IP6K1: variants seen among roughly 807,000 people sequenced by gnomAD.
IP6K1 encodes inositol hexakisphosphate kinase 1, also known as ATP:1D-myo-inositol-hexakisphosphate phosphotransferase.
A neutral mutation model predicts 38.3 loss-of-function variants in IP6K1; 13 were observed. The observed-to-expected ratio is 0.34, with a 90% CI of 0.22 to 0.54. The LOEUF (loss-of-function observed/expected upper bound fraction) is 0.54. Among genes scored for constraint, IP6K1 ranks in the 20% least tolerant of loss-of-function variants. The probability of loss-of-function intolerance (pLI) is 0.92; values close to 1 mark genes in which losing one functional copy is unlikely to be tolerated. For missense variants in IP6K1, 397 were observed against 599.8 expected, an observed-to-expected ratio of 0.66 and a Z score of 3.53; for synonymous variants, 212 against 229.9, an observed-to-expected ratio of 0.92 and a Z score of 0.70.
At chr3:49,770,069 G>A (rs1036713031) in intron 1 of IP6K1, among the ~76,000 whole-genome samples, 1 of 152,044 alleles carries the variant, frequency 6.6e-6, no homozygotes, top group African/African-American at 2.4e-5. Context: ...CTGCATGGTG[G>A]TGCATGCCTG....
intron 1 of IP6K1, among the ~76,000 whole-genome samples, chr3:49,768,024 A>G (rs2080926918): frequency 6.6e-6 from 1 of 150,582 alleles, no homozygotes; most frequent in South Asian, 2.1e-4. Context: ...ACTACTTCAC[A>G]TCCAAGTTAT....
chr3:49,742,724 C>G (rs1185348410), intron 2 of IP6K1, among the ~76,000 whole-genome samples: 1 of 151,628 alleles, frequency 6.6e-6, no homozygotes, highest in African/African-American at 2.4e-5. Flanking sequence ...CATGGTGAGA[C>G]CCTGTCTCTA....
At chr3:49,771,640 T>C (rs1325112009) in intron 1 of IP6K1, among the ~76,000 whole-genome samples, 1 of 152,206 alleles carries the variant, frequency 6.6e-6, no homozygotes, top group Non-Finnish European at 1.5e-5. Flanking sequence ...GAAAAGGTAT[T>C]ATAGTTTCCT....
chr3:49,761,245 G>A (rs1313890677), intron 1 of IP6K1, among the ~76,000 whole-genome samples: 3 of 151,976 alleles, frequency 2.0e-5, no homozygotes, highest in African/African-American at 7.3e-5. Flanking sequence ...AACCCGGGAG[G>A]TGGAGGGTGC....
At chr3:49,778,478 C>G (rs764573061) in intron 1 of IP6K1, among the ~76,000 whole-genome samples, 106 of 151,646 alleles carry the variant, frequency 7.0e-4, no homozygotes, top group Admixed American at 1.5e-3. Context: ...ACTAAAAATA[C>G]AAAAATTAGC....
At chr3:49,728,003 G>A in intron 5 of IP6K1, 100 bp downstream of exon 5, 2 of 1,221,912 alleles carry the variant, frequency 1.6e-6, no homozygotes, top group Non-Finnish European at 2.3e-6. Context: ...AAGGACAGAG[G>A]GGCTCAGGAG....
At position 49,727,298 on chromosome 3, in the gene IP6K1, C is replaced by T. The variant is rs1164011136; in HGVS notation, c.1150G>A (p.Glu384Lys). ...PSTSPSNTSPEAGPSSQPKVD... is the reference protein window; with the variant it reads ...PSTSPSNTSPKAGPSSQPKVD... ...TTGGGCTGAGAGGAGGGACCCGCCT[C>T]GGGGCTGGTGTTGCTGGGGCTGGTG... is the stretch of plus-strand genomic sequence containing the variant. The change falls in exon 6 of 6, where the codon GAG becomes AAG. Residue 384 changes from glutamate (E) to lysine (K), a missense_variant. By Grantham distance (56) the Glu-to-Lys change is moderately conservative. This residue lies in a region of IP6K1 where 164 missense variants were observed against 213.5 expected (regional missense o/e 0.77). Transcript: ENST00000321599. This position sits in a 1 kb window ranked among gnomAD's most constrained non-coding sequence, Gnocchi z 5.9. The T allele has an allele frequency of 6.2e-6, 10 of 1,614,046 alleles. No homozygotes were observed. The highest frequency in any genetic ancestry group is 4.0e-5 in the African/African-American group (3 of 74,936).
intron 2 of IP6K1, among the ~76,000 whole-genome samples, chr3:49,738,958 G>A (rs752430546): frequency 6.6e-6 from 1 of 152,114 alleles, no homozygotes; most frequent in East Asian, 1.9e-4. Context: ...CTGGCATCTC[G>A]AAGATAAAAC....
intron 1 of IP6K1, among the ~76,000 whole-genome samples, chr3:49,756,589 G>A (rs1225337338): frequency 1.3e-5 from 2 of 152,044 alleles, no homozygotes; most frequent in African/African-American, 4.8e-5. Flanking sequence ...AGGCCAAGGC[G>A]GGTGGATCAC....
intron 1 of IP6K1, among the ~76,000 whole-genome samples, chr3:49,775,836 A>T (rs2108262057): frequency 6.6e-6 from 1 of 152,160 alleles, no homozygotes; most frequent in African/African-American, 2.4e-5. Context: ...TTGGAGAAAA[A>T]TTGATAGATT....
At chr3:49,754,035 GA>G (rs879393244) in intron 1 of IP6K1, among the ~76,000 whole-genome samples, 13 of 151,880 alleles carry the variant, frequency 8.6e-5, no homozygotes, top group Admixed American at 4.6e-4. Flanking sequence ...TAAAAAGGGG[GA>G]AAAAAATCAG....
intron 1 of IP6K1, among the ~76,000 whole-genome samples, chr3:49,772,166 T>C (rs2080965248): frequency 6.7e-6 from 1 of 150,206 alleles, no homozygotes; most frequent in Admixed American, 6.7e-5. Context: ...TGAGCTATAA[T>C]TGCACCACTG....
In IP6K1 at chr3:49,779,005, A is replaced by AT. The variant is rs562586622; in HGVS notation, c.-129+7348dup. Among the ~76,000 whole-genome samples, 801 of 152,328 alleles carry AT rather than the reference A, an allele frequency of 5.3e-3. 3 individuals carry two copies. Among genetic ancestry groups the AT allele is most frequent in the Middle Eastern group, 0.024 (7 of 294 alleles). The stretch of plus-strand genomic sequence containing the variant: ...ACCCATTAAGGTGTACAATTCAATG[A>AT]TTTTAAGTATAAAATTTAAAAAAAG... On this transcript the variant is annotated intron_variant, in intron 1 of 5. Transcript: ENST00000321599.
At position 49,727,464 on chromosome 3, in the gene IP6K1, G is replaced by A. The variant is rs765267764; in HGVS notation, c.984C>T (p.Tyr328=). The change falls in exon 6 of 6, where the codon TAC becomes TAT. Residue 328 remains tyrosine, a synonymous_variant. Coordinates refer to ENST00000321599, the MANE Select transcript of IP6K1 (RefSeq NM_153273.4). This position sits in a 1 kb window ranked among gnomAD's most constrained non-coding sequence, Gnocchi z 5.9. ...CAAGCAGGGAACTGGAGTAGAAGCGGTAAGAGGCCTGCCGCTCCAGCACAG... is the reference window on the plus strand; with the variant it reads ...CAAGCAGGGAACTGGAGTAGAAGCGATAAGAGGCCTGCCGCTCCAGCACAG... ...LKAVLERQAS[Y]RFYSSSLLVI... 1 of 1,614,128 alleles carries A rather than the reference G, an allele frequency of 6.2e-7. No homozygotes were observed. The highest frequency in any genetic ancestry group is 1.7e-5 in the Admixed American group (1 of 60,026).
intron 4 of IP6K1, among the ~76,000 whole-genome samples, chr3:49,729,124 C>G (rs1284672624): frequency 3.3e-5 from 5 of 152,078 alleles, no homozygotes; most frequent in Non-Finnish European, 7.3e-5. Flanking sequence ...CCTCCCAGCC[C>G]CTGGGAACCT....
rs2080805934 is a variant in IP6K1, at chr3:49,754,548, A to G, written c.-128-6380T>C. Among the ~76,000 whole-genome samples, 3 of 152,306 alleles carry G rather than the reference A, an allele frequency of 2.0e-5. No homozygotes were observed. In the South Asian group the frequency reaches 6.2e-4, roughly 32 times the overall value. On this transcript the variant is annotated intron_variant, in intron 1 of 5. Transcript: ENST00000321599. Reference sequence around the variant, plus strand: ...CAATAATAATGATAGTAAGGAGAAGAACCAGACTAAAGAACTTGTTGAACC... The same window carrying G: ...CAATAATAATGATAGTAAGGAGAAGGACCAGACTAAAGAACTTGTTGAACC...
chr3:49,770,353 A>G (rs574774478), intron 1 of IP6K1, among the ~76,000 whole-genome samples: 2 of 152,366 alleles, frequency 1.3e-5, no homozygotes, highest in African/African-American at 4.8e-5. Context: ...ACCAGCCCCA[A>G]TCTCACACAA....
intron 4 of IP6K1, among the ~76,000 whole-genome samples, chr3:49,731,874 T>G: frequency 2.3e-5 from 1 of 43,054 alleles, no homozygotes; most frequent in Non-Finnish European, 5.1e-5. Flanking sequence ...GGTAACAGAG[T>G]GAGACTCTGT....
chr3:49,761,641 C>A (rs1009439528), intron 1 of IP6K1, among the ~76,000 whole-genome samples: 1 of 149,380 alleles, frequency 6.7e-6, no homozygotes, highest in Non-Finnish European at 1.5e-5. Context: ...AAATTAATAA[C>A]CTAAGGTTCT....
Sources: allele counts gnomAD v4.1 joint callset (sites outside exome capture counted in the v4.1 genomes callset), GRCh38; gene constraint gnomAD v4.1.1; regional missense constraint gnomAD v4.1.1; non-coding constraint Gnocchi (gnomAD v3.1); transcripts MANE v1.5; gene names NCBI Gene and HGNC (gene_info 2026-07-23, HGNC 2026-07-21).